Variants in GNAS-AS1 observed in about 807,000 individuals in gnomAD.
GNAS-AS1 encodes the protein GNAS antisense RNA 1, also known as GNAS antisense RNA 1 (non-protein coding).
intron 4 of GNAS-AS1, among the ~76,000 whole-genome samples, chr20:58,836,031 T>C (rs1436918196): frequency 6.6e-6 from 1 of 152,138 alleles, no homozygotes; most frequent in African/African-American, 2.4e-5. Flanking sequence ...ACTGAGCCAC[T>C]TGCACTTTCA....
intron 4 of GNAS-AS1, among the ~76,000 whole-genome samples, chr20:58,837,580 C>A (rs1019466450): frequency 6.6e-6 from 1 of 152,234 alleles, no homozygotes; most frequent in African/African-American, 2.4e-5. Context: ...GTAGCTGGAA[C>A]TACAAGCGTG....
In GNAS-AS1 at chr20:58,840,417, A is replaced by G. The variant is rs1169393596; in HGVS notation, n.819+1520T>C. ...TCCCTCCCCGAGTGCCTAGAGTACG[A>G]GGAAGAGTTCGACTACGAGACCGAG... On this transcript the variant is annotated intron_variant and non_coding_transcript_variant, in intron 4 of 4. Transcript: ENST00000424094. This position sits in a 1 kb window ranked among gnomAD's most constrained non-coding sequence, Gnocchi z 6.0. 6.2e-7 allele frequency: 1 copy of G among 1,613,580 alleles called. No homozygotes were observed. The highest frequency in any genetic ancestry group is 1.1e-5 in the South Asian group (1 of 91,084).
At position 58,841,204 on chromosome 20, in the gene GNAS-AS1, C is replaced by CA. The variant is rs1310465747; in HGVS notation, n.819+732dup. The CA allele has an allele frequency of 1.6e-6, 1 of 606,398 alleles. No homozygotes were observed. Among genetic ancestry groups the CA allele is most frequent in the Non-Finnish European group, 2.4e-6 (1 of 421,184 alleles). The allele number at this position is 606,398 out of a possible 1,614,324, so 37.6% of individuals were successfully genotyped here. ...CGAACGCACCCCAGATTTGGAGCTG[C>CA]ACACCCAAACGGCATTGGTAAGTCA... On this transcript the variant is annotated intron_variant and non_coding_transcript_variant, in intron 4 of 4. Coordinates refer to ENST00000424094, the Ensembl canonical transcript of GNAS-AS1. This position sits in a 1 kb window ranked among gnomAD's most constrained non-coding sequence, Gnocchi z 5.0.
intron 4 of GNAS-AS1, chr20:58,824,030 T>G (rs2085504052): frequency 5.0e-6 from 2 of 398,672 alleles, no homozygotes; most frequent in Non-Finnish European, 8.8e-6. Flanking sequence ...TTCATTTTCC[T>G]GACACGCTCT....
At chr20:58,819,991 T>A (rs1214237931) in intron 4 of GNAS-AS1, among the ~76,000 whole-genome samples, 1 of 152,182 alleles carries the variant, frequency 6.6e-6, no homozygotes, top group African/African-American at 2.4e-5. Flanking sequence ...TGAATGCTCA[T>A]CCGTACTGCC....
At chr20:58,836,321 T>C (rs2085602869) in intron 4 of GNAS-AS1, 1 of 152,264 alleles carries the variant, frequency 6.6e-6, no homozygotes, top group Non-Finnish European at 1.5e-5. Context: ...TGGGTTGCGC[T>C]GAAGGCTTTC....
At chr20:58,830,743 T>A (rs2085563757) in intron 4 of GNAS-AS1, among the ~76,000 whole-genome samples, 1 of 148,862 alleles carries the variant, frequency 6.7e-6, no homozygotes, top group African/African-American at 2.5e-5. Flanking sequence ...ACCAGCACCA[T>A]CACCGCCACC....
chr20:58,830,114 C>T (rs1257739030), intron 4 of GNAS-AS1, among the ~76,000 whole-genome samples: 1 of 151,822 alleles, frequency 6.6e-6, no homozygotes, highest in Non-Finnish European at 1.5e-5. Flanking sequence ...TGCCCCCTCA[C>T]TCTCTCACCT....
intron 4 of GNAS-AS1, chr20:58,838,798 T>G (rs921932464): frequency 1.8e-5 from 7 of 389,292 alleles, no homozygotes; most frequent in Non-Finnish European, 2.7e-5. Context: ...ACGCCTGTAA[T>G]CCCAGCTACT....
At chr20:58,828,118 G>A (rs1037839469) in intron 4 of GNAS-AS1, among the ~76,000 whole-genome samples, 14 of 152,320 alleles carry the variant, frequency 9.2e-5, no homozygotes, top group Admixed American at 2.0e-4. Context: ...ACAACCAAGA[G>A]AAAAAGAGAG....
chr20:58,828,749 C>G (rs1287667554), intron 4 of GNAS-AS1, among the ~76,000 whole-genome samples: 1 of 152,238 alleles, frequency 6.6e-6, no homozygotes, highest in Non-Finnish European at 1.5e-5. Context: ...GATACCTTGT[C>G]TTGATACCTT....
Position 58,840,049 on chromosome 20 carries a change from G to C in GNAS-AS1, n.819+1888C>G, listed in dbSNP as rs1216035832. ...CCGGCTCCAGCAGCCAATGTGCTTC[G>C]GAGCCACTCTCTGCAGAGCCAGAGG... is the stretch of plus-strand genomic sequence containing the variant. On this transcript the variant is annotated intron_variant and non_coding_transcript_variant, in intron 4 of 4. Coordinates refer to ENST00000424094, the Ensembl canonical transcript of GNAS-AS1. The surrounding 1 kb of genome is among the most constrained non-coding windows in gnomAD (Gnocchi z 6.0). The C allele has an allele frequency of 6.3e-6, 10 of 1,591,542 alleles. No individual in the cohort carries two copies. Among genetic ancestry groups the C allele is most frequent in the Non-Finnish European group, 8.6e-6 (10 of 1,168,650 alleles).
intron 4 of GNAS-AS1, among the ~76,000 whole-genome samples, chr20:58,822,855 C>A (rs2085495450): frequency 6.6e-6 from 1 of 152,072 alleles, no homozygotes; most frequent in Non-Finnish European, 1.5e-5. Flanking sequence ...CACAACAGGG[C>A]CCTGAACCAC....
In GNAS-AS1 at chr20:58,848,121, T is replaced by C. The variant is rs372051587; in HGVS notation, n.413+758A>G. ...TGGGCCATTTGGCTTTCCTCAGACA[T>C]GCAGAGTTTAATGGAAGCATGAGAA... On this transcript the variant is annotated intron_variant and non_coding_transcript_variant, in intron 2 of 4. Coordinates refer to ENST00000424094, the Ensembl canonical transcript of GNAS-AS1. Among the ~76,000 whole-genome samples, 40 of 152,366 alleles carry C rather than the reference T, an allele frequency of 2.6e-4. No homozygotes were observed. The South Asian group carries it at 8.1e-3, about 31-fold the overall frequency.
At chr20:58,830,216 ACCACAC>A (rs2085546160) in intron 4 of GNAS-AS1, among the ~76,000 whole-genome samples, 1 of 146,582 alleles carries the variant, frequency 6.8e-6, no homozygotes, top group African/African-American at 2.6e-5. Context: ...CACCACCACC[ACCACAC>A]CACCATCACC....
At chr20:58,844,496 G>A (rs1284264435) in intron 2 of GNAS-AS1, among the ~76,000 whole-genome samples, 1 of 152,074 alleles carries the variant, frequency 6.6e-6, no homozygotes, top group African/African-American at 2.4e-5. Context: ...AAAGGCCCAG[G>A]GCTAGCAGCC....
intron 4 of GNAS-AS1, among the ~76,000 whole-genome samples, chr20:58,835,465 G>A (rs1045774558): frequency 2.6e-5 from 4 of 152,026 alleles, no homozygotes; most frequent in African/African-American, 9.7e-5. Context: ...AGAAACAAGT[G>A]GATTGAAAGC....
At chr20:58,847,912 A>C (rs993619644) in intron 2 of GNAS-AS1, among the ~76,000 whole-genome samples, 4 of 152,242 alleles carry the variant, frequency 2.6e-5, no homozygotes, top group Non-Finnish European at 5.9e-5. Context: ...CGTTGAATAC[A>C]TATGCCATGA....
At chr20:58,839,811 G>A in intron 4 of GNAS-AS1, 1 of 586,360 alleles carries the variant, frequency 1.7e-6, no homozygotes. Flanking sequence ...GTCTTAGGCT[G>A]CGGAATCTAA....
Sources: gnomAD v4.1 joint callset for allele counts (sites outside exome capture counted in the v4.1 genomes callset) on GRCh38, gnomAD v4.1.1 for gene constraint, Gnocchi (gnomAD v3.1) non-coding constraint, MANE v1.5 for transcripts, NCBI Gene and HGNC (gene_info 2026-07-23, HGNC 2026-07-21) for gene names.